Variants in RIMKLB observed in about 807,000 individuals in gnomAD.
RIMKLB encodes the protein ribosomal modification protein rimK like family member B.
A neutral mutation model predicts 32.0 loss-of-function variants in RIMKLB; 7 were observed. The observed-to-expected ratio is 0.22, with a 90% confidence interval of 0.12 to 0.41. The LOEUF (loss-of-function observed/expected upper bound fraction) is 0.41. RIMKLB is among the 10% of genes least tolerant of loss of function. The probability of loss-of-function intolerance (pLI) is 1.00; values close to 1 mark genes in which losing one functional copy is unlikely to be tolerated. For synonymous variants in RIMKLB, 172 were observed against 185.1 expected (o/e 0.93, Z 0.57); for missense variants, 289 against 498.7 (o/e 0.58, Z 4.00).
chr12:8,743,354 C>CAAAAAAAAAAAAA (rs60066068), intron 2 of RIMKLB, among the ~76,000 whole-genome samples: 19 of 65,186 alleles, frequency 2.9e-4, no homozygotes, highest in African/African-American at 1.1e-3. Context: ...GAGTCTGTCT[C>CAAAAAAAAAAAAA]AAAAAAAAAA....
intron 2 of RIMKLB, among the ~76,000 whole-genome samples, chr12:8,744,082 G>T (rs1364334852): frequency 6.6e-6 from 1 of 151,870 alleles, no homozygotes; most frequent in Admixed American, 6.6e-5. Flanking sequence ...TGGGTCTAAG[G>T]GAAGAAACCA....
chr12:8,741,662 C>G (rs1947543644), intron 2 of RIMKLB, among the ~76,000 whole-genome samples: 2 of 150,940 alleles, frequency 1.3e-5, no homozygotes, highest in Admixed American at 1.3e-4. Context: ...TGCCTGTAGT[C>G]CCAGCTACTC....
intron 2 of RIMKLB, among the ~76,000 whole-genome samples, chr12:8,725,272 T>G (rs1433105618): frequency 1.3e-5 from 2 of 151,478 alleles, no homozygotes; most frequent in Non-Finnish European, 1.5e-5. Context: ...ATGCTCTACT[T>G]TCTTTTTTTT....
chr12:8,719,017 T>C (rs953215471), intron 2 of RIMKLB, among the ~76,000 whole-genome samples: 1 of 152,180 alleles, frequency 6.6e-6, no homozygotes, highest in African/African-American at 2.4e-5. Context: ...TCCTGTGCTC[T>C]GGCTGTTCAT....
At chr12:8,721,060 T>C (rs1282064960) in intron 2 of RIMKLB, among the ~76,000 whole-genome samples, 2 of 152,262 alleles carry the variant, frequency 1.3e-5, no homozygotes, top group African/African-American at 4.8e-5. Context: ...AGACTGTTAA[T>C]AGGTAATGTC....
At chr12:8,719,846 C>T (rs756986800) in intron 2 of RIMKLB, among the ~76,000 whole-genome samples, 2 of 152,124 alleles carry the variant, frequency 1.3e-5, no homozygotes, top group African/African-American at 2.4e-5. Flanking sequence ...GGACAATGTA[C>T]AAGGTTGTGG....
At chr12:8,668,724 G>T in the RIMKLB span, 1 of 152,186 alleles carries the variant, frequency 6.6e-6, no homozygotes, top group Non-Finnish European at 1.5e-5. Flanking sequence ...CCTGCCAAAA[G>T]CCACGTGCAT....
chr12:8,702,149 T>TA (rs1462524456), intron 1 of RIMKLB, among the ~76,000 whole-genome samples: 4 of 152,256 alleles, frequency 2.6e-5, no homozygotes, highest in African/African-American at 9.6e-5. Flanking sequence ...TTGTCAGTGT[T>TA]ACATGTCAGG....
chr12:8,684,784 C>T (rs1390214195), intron 1 of RIMKLB, among the ~76,000 whole-genome samples: 1 of 152,092 alleles, frequency 6.6e-6, no homozygotes, highest in Non-Finnish European at 1.5e-5. Context: ...CCACGCCCAG[C>T]TAGTTTTTTT....
chr12:8,712,260 C>G (rs965949272), intron 1 of RIMKLB, among the ~76,000 whole-genome samples: 1 of 151,930 alleles, frequency 6.6e-6, no homozygotes, highest in Non-Finnish European at 1.5e-5. Flanking sequence ...GCAACCTTTC[C>G]GCCTTCTGGA....
chr12:8,754,370 G>A (rs1948851223), intron 5 of RIMKLB, among the ~76,000 whole-genome samples: 1 of 152,138 alleles, frequency 6.6e-6, no homozygotes, highest in South Asian at 2.1e-4. Context: ...TCTGACAAAA[G>A]TTAAGAGATT....
intron 1 of RIMKLB, among the ~76,000 whole-genome samples, chr12:8,691,006 T>G (rs1050427829): frequency 2.0e-5 from 3 of 152,198 alleles, no homozygotes; most frequent in Non-Finnish European, 2.9e-5. Context: ...GATAGGTTTA[T>G]TATGAGACTG....
chr12:8,731,279 G>C (rs1056670213), intron 2 of RIMKLB, among the ~76,000 whole-genome samples: 11 of 151,324 alleles, frequency 7.3e-5, no homozygotes, highest in African/African-American at 2.7e-4. Context: ...TGTATTTGTA[G>C]TAGAGACAGG....
intron 1 of RIMKLB, among the ~76,000 whole-genome samples, chr12:8,709,756 C>T (rs1192193432): frequency 2.0e-5 from 3 of 152,144 alleles, no homozygotes; most frequent in Non-Finnish European, 4.4e-5. Flanking sequence ...GGAGAGACAC[C>T]GCATTCATAT....
chr12:8,699,221 CTAAA>C (rs1173187208), intron 1 of RIMKLB, among the ~76,000 whole-genome samples: 2 of 152,068 alleles, frequency 1.3e-5, no homozygotes, highest in South Asian at 2.1e-4. Context: ...AGGTTCAACT[CTAAA>C]TAGGTATAGA....
intron 1 of RIMKLB, among the ~76,000 whole-genome samples, chr12:8,691,611 C>T (rs530676099): frequency 6.6e-6 from 1 of 150,846 alleles, no homozygotes; most frequent in African/African-American, 2.5e-5. Flanking sequence ...CTCAAAAAGA[C>T]AAACAAACAA....
At chr12:8,685,003 C>A (rs1942529566) in intron 1 of RIMKLB, among the ~76,000 whole-genome samples, 1 of 152,228 alleles carries the variant, frequency 6.6e-6, no homozygotes, top group South Asian at 2.1e-4. Flanking sequence ...TTTTATCCTG[C>A]AATTGTGCTA....
At chr12:8,742,458 C>T in intron 2 of RIMKLB, 1 of 391,746 alleles carries the variant, frequency 2.6e-6, no homozygotes, top group Non-Finnish European at 5.0e-6. Context: ...CTACAAAGAG[C>T]ACATGGAGGA....
chr12:8,705,916 A>G (rs954544760), intron 1 of RIMKLB, among the ~76,000 whole-genome samples: 1 of 152,102 alleles, frequency 6.6e-6, no homozygotes, highest in Admixed American at 6.5e-5. Flanking sequence ...AAGACCTTCA[A>G]CTGATTGGAT....
Sources: gnomAD v4.1 joint callset for allele counts (sites outside exome capture counted in the v4.1 genomes callset) on GRCh38, gnomAD v4.1.1 for gene constraint, MANE v1.5 for transcripts, NCBI Gene and HGNC (gene_info 2026-07-23, HGNC 2026-07-21) for gene names.